Variants in ATAD5 observed in about 807,000 individuals in gnomAD.
The protein encoded by ATAD5 is ATPase family AAA domain containing 5.
In ATAD5, 58 loss-of-function variants were observed where a neutral mutation model predicts 176.9. The observed-to-expected ratio is 0.33, with a 90% CI of 0.27 to 0.41. ATAD5 has a LOEUF of 0.41. Ranked by LOEUF, ATAD5 falls within the 10% of genes least tolerant of loss-of-function variation. The probability of loss-of-function intolerance (pLI) is 1.00; values close to 1 mark genes in which losing one functional copy is unlikely to be tolerated. For missense variants in ATAD5, 1,789 were observed against 2,094.1 expected, an observed-to-expected ratio of 0.85 and a Z score of 2.84; for synonymous variants, 640 against 712.6, an observed-to-expected ratio of 0.90 and a Z score of 1.62.
rs1229910866 is a variant in ATAD5, at chr17:30,860,623, T to C, written c.3136+11T>C. 2 of 1,535,650 alleles carry C rather than the reference T, an allele frequency of 1.3e-6. No individual in the cohort carries two copies. Among genetic ancestry groups the C allele is most frequent in the Non-Finnish European group, 1.7e-6 (2 of 1,151,072 alleles). Reference sequence around the variant, plus strand: ...TAGATTCTTCCAAAGGTATATTTTCTAAAACATCCCAAAAGAAATAGATTG... The same window carrying C: ...TAGATTCTTCCAAAGGTATATTTTCCAAAACATCCCAAAAGAAATAGATTG... On this transcript the variant is annotated intron_variant, in intron 10 of 22. Transcript: ENST00000321990.
chr17:30,894,640 G>T lies in ATAD5; in HGVS notation c.5374G>T (p.Ala1792Ser). Reference protein sequence around the residue: ...RSLLYVGNRQASIIEYLPTLR... With the variant: ...RSLLYVGNRQSSIIEYLPTLR... ...TCTTCTCTATGTGGGTAATAGACAA[G>T]CTAGTATAATTGAATACCTGCCAAC... Residue 1792 changes from alanine to serine, a missense_variant, in exon 22 of 23, where the codon GCT becomes TCT. Physicochemically the swap from Ala to Ser is moderately conservative, Grantham distance 99. Around this residue, in one of 6 missense-constraint regions of ATAD5, gnomAD observed 403 missense variants for 495.1 expected, o/e 0.81. Coordinates refer to ENST00000321990, the MANE Select transcript of ATAD5 (RefSeq NM_024857.5). 1 of 1,613,536 alleles carries T rather than the reference G, an allele frequency of 6.2e-7. No homozygotes were observed. The highest frequency in any genetic ancestry group is 8.5e-7 in the Non-Finnish European group (1 of 1,179,668).
chr17:30,842,035 C>G (rs1342455069), intron 4 of ATAD5, among the ~76,000 whole-genome samples: 1 of 152,128 alleles, frequency 6.6e-6, no homozygotes, highest in Non-Finnish European at 1.5e-5. Context: ...CTTTGAGAGG[C>G]TGAGGCGGGA....
chr17:30,832,457 T>C, intron 1 of ATAD5, 44 bp downstream of exon 1: 1 of 1,447,682 alleles, frequency 6.9e-7, no homozygotes, highest in Non-Finnish European at 9.2e-7. Flanking sequence ...CCTCTATCTT[T>C]TGGGGGATTG....
Position 30,835,171 on chromosome 17 carries a change from G to C in ATAD5, c.1090G>C (p.Val364Leu), listed in dbSNP as rs767322703. Reference protein sequence around the residue: ...SLSDPENEQTVQKRKSNVVIQ... With the variant: ...SLSDPENEQTLQKRKSNVVIQ... ...ATCTGATCCTGAGAATGAACAGACA[G>C]TTCAGAAAAGAAAATCTAATGTTGT... Residue 364 changes from valine to leucine, a missense_variant, in exon 2 of 23, where the codon GTT (valine) becomes CTT (leucine). By Grantham distance (32) the Val-to-Leu change is conservative. Coordinates refer to ENST00000321990, the MANE Select transcript of ATAD5 (RefSeq NM_024857.5). 1 of 1,613,964 alleles carries C rather than the reference G, an allele frequency of 6.2e-7. No homozygotes were observed. The highest frequency in any genetic ancestry group is 8.5e-7 in the Non-Finnish European group (1 of 1,179,964).
intron 18 of ATAD5, among the ~76,000 whole-genome samples, chr17:30,883,619 T>G (rs1401141059): frequency 6.6e-6 from 1 of 151,514 alleles, no homozygotes; most frequent in Non-Finnish European, 1.5e-5. Context: ...AATCACTGGC[T>G]CACTGCAAGC....
intron 6 of ATAD5, among the ~76,000 whole-genome samples, chr17:30,850,848 TATATATATATATATATATATA>T (rs1171651091): frequency 4.1e-4 from 15 of 36,264 alleles, no homozygotes; most frequent in East Asian, 1.9e-3. Flanking sequence ...TATATATATA[TATATATATATATATATATATA>T]TTTTTTTTTT....
intron 6 of ATAD5, among the ~76,000 whole-genome samples, chr17:30,845,909 G>GAC (rs1242489550): frequency 6.6e-6 from 1 of 152,176 alleles, no homozygotes; most frequent in Non-Finnish European, 1.5e-5. Context: ...GGTATAGGAT[G>GAC]ACATGTAAGT....
At chr17:30,857,742 A>AT (rs56075512) in intron 8 of ATAD5, among the ~76,000 whole-genome samples, 2,305 of 138,278 alleles carry the variant, frequency 0.017, 58 homozygotes, top group African/African-American at 0.054. Context: ...GACTAAAGCT[A>AT]TTTTTTTTTT....
chr17:30,865,708 T>C lies in ATAD5; in HGVS notation c.3141T>C (p.Ser1047=). ...TTTTTTTTTTTTTTGCTTTAGATTC[T>C]GGAACTGAAGACATGCTTTGGACAG... ...SGIKLDSSKD[S]GTEDMLWTEK... Residue 1047 remains serine (S), a synonymous_variant, in exon 11 of 23, where the codon TCT becomes TCC. Transcript: ENST00000321990. The C allele has an allele frequency of 6.4e-7, 1 of 1,552,082 alleles. No homozygotes were observed. Among genetic ancestry groups the C allele is most frequent in the Non-Finnish European group, 8.6e-7 (1 of 1,156,250 alleles).
chr17:30,855,461 C>A (rs977372014), intron 7 of ATAD5, 134 bp downstream of exon 7: 2 of 940,024 alleles, frequency 2.1e-6, no homozygotes, highest in Non-Finnish European at 3.0e-6. Flanking sequence ...ATTTTAAGGA[C>A]AATTTCTCTC....
Position 30,834,679 on chromosome 17 carries a change from A to G in ATAD5, c.598A>G (p.Asn200Asp). ...AAATCCTAAACAAGGGACCACAAAA[A>G]ATGACTTCAAAAAGTTGAGAAAAAG... ...KVNPKQGTTK[N>D]DFKKLRKRKC... Residue 200 changes from asparagine to aspartate, a missense_variant, in exon 2 of 23, where the codon AAT becomes GAT. Asn to Asp is a conservative substitution (Grantham distance 23). Coordinates refer to ENST00000321990, the MANE Select transcript of ATAD5 (RefSeq NM_024857.5). The G allele has an allele frequency of 6.2e-7, 1 of 1,610,192 alleles. No individual in the cohort carries two copies. The highest frequency in any genetic ancestry group is 8.5e-7 in the Non-Finnish European group (1 of 1,179,104).
At chr17:30,849,232 A>G (rs1272904823) in intron 6 of ATAD5, among the ~76,000 whole-genome samples, 1 of 152,092 alleles carries the variant, frequency 6.6e-6, no homozygotes, top group East Asian at 1.9e-4. Flanking sequence ...CCATACACCT[A>G]TTAATGGACA....
Position 30,858,334 on chromosome 17 carries a change from A to T in ATAD5, c.2956+11A>T. 7.0e-7 allele frequency: 1 copy of T among 1,432,650 alleles called. No homozygotes were observed. The highest frequency in any genetic ancestry group is 9.2e-7 in the Non-Finnish European group (1 of 1,084,276). The allele number at this position is 1,432,650 out of a possible 1,614,324, so 88.7% of individuals were successfully genotyped here. On this transcript the variant is annotated intron_variant, in intron 9 of 22. Coordinates refer to ENST00000321990, the MANE Select transcript of ATAD5 (RefSeq NM_024857.5). Reference sequence around the variant, plus strand: ...GTCATAGTAAACAAGGTTAGTGATAATTATTATCATTTATGTTAACATACC... The same window carrying T: ...GTCATAGTAAACAAGGTTAGTGATATTTATTATCATTTATGTTAACATACC...
In ATAD5 at chr17:30,893,453, A is replaced by G; in HGVS notation, c.4600A>G (p.Thr1534Ala). 1 of 1,613,976 alleles carries G rather than the reference A, an allele frequency of 6.2e-7. No homozygotes were observed. The highest frequency in any genetic ancestry group is 8.5e-7 in the Non-Finnish European group (1 of 1,179,924). The change falls in exon 21 of 23, where the codon ACT (threonine) becomes GCT (alanine). Residue 1534 changes from threonine (T) to alanine (A), a missense_variant. By Grantham distance (58) the Thr-to-Ala change is moderately conservative (BLOSUM62 0). This residue lies in a region of ATAD5 where 403 missense variants were observed against 495.1 expected (regional missense o/e 0.81). Transcript: ENST00000321990. The part of the protein sequence containing the change: ...ETKNFCGPSV[T>A]VDASAATKSM... ...TAAAAACTTTTGTGGCCCATCAGTA[A>G]CTGTGGATGCCAGTGCAGCAACAAA...
chr17:30,832,553 G>T (rs779027028), intron 1 of ATAD5, 140 bp downstream of exon 1: 24 of 785,642 alleles, frequency 3.1e-5, no homozygotes, highest in Non-Finnish European at 4.3e-5. Flanking sequence ...GACACATTGT[G>T]TGCAACAGTT....
chr17:30,855,842 G>C (rs1471551890), intron 7 of ATAD5, among the ~76,000 whole-genome samples: 1 of 150,654 alleles, frequency 6.6e-6, no homozygotes, highest in Non-Finnish European at 1.5e-5. Context: ...CTAGGTGACA[G>C]AGCGAGACCC....
chr17:30,868,786 G>A (rs1220045568), intron 12 of ATAD5, among the ~76,000 whole-genome samples: 1 of 150,314 alleles, frequency 6.7e-6, no homozygotes, highest in Non-Finnish European at 1.5e-5. Context: ...ATTAAGCAGT[G>A]GCATGAGCCA....
chr17:30,884,788 C>T (rs1165438700), intron 18 of ATAD5, among the ~76,000 whole-genome samples: 1 of 148,714 alleles, frequency 6.7e-6, no homozygotes, highest in Non-Finnish European at 1.5e-5. Context: ...TGCTGTGTCG[C>T]CCAGGCTGGA....
At chr17:30,834,046 T>C in intron 1 of ATAD5, 102 bp from the exon 2 acceptor site, 2 of 1,038,078 alleles carry the variant, frequency 1.9e-6, no homozygotes, top group Non-Finnish European at 2.6e-6. Context: ...GGAGGCTTCC[T>C]TTTTTTAATC....
Sources: allele counts gnomAD v4.1 joint callset (sites outside exome capture counted in the v4.1 genomes callset), GRCh38; gene constraint gnomAD v4.1.1; regional missense constraint gnomAD v4.1.1; transcripts MANE v1.5; gene names NCBI Gene and HGNC (gene_info 2026-07-23, HGNC 2026-07-21).